KCNIP4: variants seen among roughly 807,000 people sequenced by gnomAD.
KCNIP4 encodes the protein Kv channel-interacting protein 4.
Under a neutral mutation model 34.0 loss-of-function variants are expected in KCNIP4, and 12 were observed. That is an observed-to-expected ratio of 0.35 (90% confidence interval 0.23 to 0.57). The LOEUF (loss-of-function observed/expected upper bound fraction) is 0.57. Ranked by LOEUF, KCNIP4 falls within the 20% of genes least tolerant of loss-of-function variation. The pLI, the probability that KCNIP4 is intolerant of heterozygous loss-of-function variation, is 0.83. For synonymous variants in KCNIP4, 124 were observed against 102.2 expected (o/e 1.21, Z -1.29); for missense variants, 238 against 311.7 (o/e 0.76, Z 1.78).
intron 1 of KCNIP4, among the ~76,000 whole-genome samples, chr4:21,786,812 C>G (rs543399726): frequency 1.2e-4 from 18 of 151,896 alleles, no homozygotes; most frequent in African/African-American, 4.4e-4. Flanking sequence ...ATGATCCGCC[C>G]GCCTCGGCCT....
chr4:21,869,783 T>TAGACAGACAGAC lies in KCNIP4; in HGVS notation c.61+78776_61+78787dup, dbSNP rs1278922960. Among the ~76,000 whole-genome samples, 50 of 143,874 alleles carry TAGACAGACAGAC rather than the reference T, an allele frequency of 3.5e-4. 1 individual carries two copies. Among genetic ancestry groups the TAGACAGACAGAC allele is most frequent in the African/African-American group, 1.2e-3 (46 of 37,644 alleles). The allele number at this position is 143,874 out of a possible 152,430, so 94.4% of individuals were successfully genotyped here. ...ATAGATAGATAGATAGATAGATAGA[T>TAGACAGACAGAC]AGACAGACAGACAGATAGATAGATA... On this transcript the variant is annotated intron_variant, in intron 1 of 8. Coordinates refer to ENST00000382152, the MANE Select transcript of KCNIP4 (RefSeq NM_025221.6).
chr4:21,853,973 T>C (rs976010884), intron 1 of KCNIP4, among the ~76,000 whole-genome samples: 1 of 152,130 alleles, frequency 6.6e-6, no homozygotes, highest in African/African-American at 2.4e-5. Context: ...AGAAGAACCA[T>C]ATGACCCGGG....
At chr4:21,468,483 G>A (rs186554981) in intron 1 of KCNIP4, among the ~76,000 whole-genome samples, 1 of 152,220 alleles carries the variant, frequency 6.6e-6, no homozygotes, top group Non-Finnish European at 1.5e-5. Context: ...CTTGCATTAC[G>A]CGGCGGACCC....
intron 1 of KCNIP4, chr4:21,315,146 T>C (rs1174099004): frequency 6.6e-6 from 1 of 152,254 alleles, no homozygotes; most frequent in Non-Finnish European, 1.5e-5. Flanking sequence ...ATCTCAGAGT[T>C]GTTAAGTTGA....
intron 1 of KCNIP4, among the ~76,000 whole-genome samples, chr4:21,680,766 T>A (rs911805744): frequency 6.6e-6 from 1 of 152,206 alleles, no homozygotes; most frequent in Admixed American, 6.5e-5. Flanking sequence ...AAAGTAATCA[T>A]TTTTTCTAAG....
intron 1 of KCNIP4, among the ~76,000 whole-genome samples, chr4:20,963,333 C>A (rs10020131): frequency 2.7e-4 from 40 of 147,776 alleles, no homozygotes; most frequent in Non-Finnish European, 3.1e-4. Context: ...TCTCAAAAAA[C>A]AAAAAAAAAA....
chr4:21,468,849 C>A (rs2109798756), intron 1 of KCNIP4, among the ~76,000 whole-genome samples: 1 of 152,242 alleles, frequency 6.6e-6, no homozygotes, highest in East Asian at 1.9e-4. Flanking sequence ...AGCAAAACAG[C>A]TTTCTTATTC....
chr4:20,995,105 G>A lies in KCNIP4; in HGVS notation c.62-112396C>T, dbSNP rs138323598. 2.2e-4 allele frequency among the ~76,000 whole-genome samples: 34 copies of A among 152,140 alleles called. No homozygotes were observed. In the East Asian group the frequency reaches 4.6e-3, roughly 21 times the overall value. Reference sequence around the variant, plus strand: ...GGCTTTCTCTCACTTGTTCTTTACCGTAGGCTATTTTAAAATGAGAAAACT... The same window carrying A: ...GGCTTTCTCTCACTTGTTCTTTACCATAGGCTATTTTAAAATGAGAAAACT... On this transcript the variant is annotated intron_variant, in intron 1 of 8. Coordinates refer to ENST00000382152, the MANE Select transcript of KCNIP4 (RefSeq NM_025221.6).
chr4:21,263,467 A>C (rs1449690247), intron 1 of KCNIP4, among the ~76,000 whole-genome samples: 1 of 152,054 alleles, frequency 6.6e-6, no homozygotes, highest in African/African-American at 2.4e-5. Context: ...TTCTCTTGGG[A>C]ATAATTAAGT....
At chr4:21,177,898 A>ATATCTAT (rs1754544208) in intron 1 of KCNIP4, among the ~76,000 whole-genome samples, 1 of 148,168 alleles carries the variant, frequency 6.7e-6, no homozygotes, top group African/African-American at 2.6e-5. Context: ...ATTTAAAAAG[A>ATATCTAT]AAAATTTAAA....
intron 1 of KCNIP4, among the ~76,000 whole-genome samples, chr4:21,573,571 T>C (rs1251373052): frequency 6.6e-6 from 1 of 152,164 alleles, no homozygotes; most frequent in Non-Finnish European, 1.5e-5. Context: ...ATTTTCCCAT[T>C]TTATTAATTC....
intron 1 of KCNIP4, among the ~76,000 whole-genome samples, chr4:21,636,299 AG>A (rs1746158035): frequency 6.7e-6 from 1 of 150,364 alleles, no homozygotes; most frequent in Non-Finnish European, 1.5e-5. Context: ...ATAAAAAAAA[AG>A]GAAAAAAAAA....
chr4:20,748,209 C>A (rs948005860), intron 5 of KCNIP4, among the ~76,000 whole-genome samples: 1 of 152,118 alleles, frequency 6.6e-6, no homozygotes, highest in Non-Finnish European at 1.5e-5. Flanking sequence ...CTATCTCCTT[C>A]CCCAACCTTC....
At chr4:21,449,039 A>G (rs1560416492) in intron 1 of KCNIP4, among the ~76,000 whole-genome samples, 2 of 152,224 alleles carry the variant, frequency 1.3e-5, no homozygotes, top group Non-Finnish European at 2.9e-5. Context: ...TCAAGAAAGA[A>G]GAAAAATGGC....
At chr4:21,095,879 T>C (rs1747420083) in intron 1 of KCNIP4, among the ~76,000 whole-genome samples, 1 of 152,160 alleles carries the variant, frequency 6.6e-6, no homozygotes, top group African/African-American at 2.4e-5. Flanking sequence ...CTGCATGTAA[T>C]GGCCAAGAAA....
At chr4:21,908,521 A>AT (rs1264469201) in intron 1 of KCNIP4, among the ~76,000 whole-genome samples, 1 of 152,126 alleles carries the variant, frequency 6.6e-6, no homozygotes, top group Admixed American at 6.6e-5. Flanking sequence ...AAAATGTGGG[A>AT]TCATGCTAGA....
chr4:20,997,752 T>TTGGATCAATCTGTTATTGTC (rs1443342657), intron 1 of KCNIP4, among the ~76,000 whole-genome samples: 6 of 152,168 alleles, frequency 3.9e-5, no homozygotes, highest in Admixed American at 2.0e-4. Context: ...ACGAATGCCG[T>TTGGATCAATCTGTTATTGTC]TGGATCAATC....
At chr4:21,329,663 G>T in intron 1 of KCNIP4, among the ~76,000 whole-genome samples, 1 of 152,106 alleles carries the variant, frequency 6.6e-6, no homozygotes, top group East Asian at 1.9e-4. Flanking sequence ...ATCAAGGAAG[G>T]CTTCCCAAAG....
At chr4:21,454,994 A>C (rs1728807226) in intron 1 of KCNIP4, among the ~76,000 whole-genome samples, 1 of 152,052 alleles carries the variant, frequency 6.6e-6, no homozygotes, top group South Asian at 2.1e-4. Context: ...CACTGAGAGT[A>C]CCAAGTTCTG....
Sources: allele counts gnomAD v4.1 joint callset (sites outside exome capture counted in the v4.1 genomes callset), GRCh38; gene constraint gnomAD v4.1.1; transcripts MANE v1.5; gene names NCBI Gene and HGNC (gene_info 2026-07-23, HGNC 2026-07-21).